WDPCP: variants seen among roughly 807,000 people sequenced by gnomAD.
The protein encoded by WDPCP is WD repeat containing planar cell polarity effector.
In WDPCP, 71 loss-of-function variants were observed where a neutral mutation model predicts 93.1. The observed-to-expected ratio is 0.76, with a 90% CI of 0.63 to 0.93. The LOEUF (loss-of-function observed/expected upper bound fraction) is 0.93. WDPCP is among the 40% of genes least tolerant of loss of function. The pLI, the probability that WDPCP is intolerant of heterozygous loss-of-function variation, is 0.00. For missense variants in WDPCP, 844 were observed against 887.4 expected (o/e 0.95, Z 0.62); for synonymous variants, 315 against 315.0 (o/e 1.00, Z 0.00).
At chr2:63,839,970 T>C in the WDPCP span, among the ~76,000 whole-genome samples, 1 of 152,216 alleles carries the variant, frequency 6.6e-6, no homozygotes, top group East Asian at 1.9e-4. Context: ...AACATTTCCA[T>C]ATAAAGACGT....
At chr2:63,294,442 G>A (rs1342574152) in intron 13 of WDPCP, among the ~76,000 whole-genome samples, 1 of 151,360 alleles carries the variant, frequency 6.6e-6, no homozygotes, top group Non-Finnish European at 1.5e-5. Context: ...CCCGGGAGGT[G>A]GAGGTTGCAG....
chr2:63,770,675 A>G (rs969292160), intron 2 of WDPCP, among the ~76,000 whole-genome samples: 3 of 151,954 alleles, frequency 2.0e-5, no homozygotes, highest in African/African-American at 7.2e-5. Flanking sequence ...AGGTCCTTTC[A>G]AGGAGTCTAC....
intron 2 of WDPCP, among the ~76,000 whole-genome samples, chr2:63,786,705 G>A (rs1372938079): frequency 3.3e-5 from 5 of 152,104 alleles, no homozygotes; most frequent in Non-Finnish European, 7.4e-5. Flanking sequence ...ACAGACATAC[G>A]TAAAGCATGA....
At chr2:63,799,081 C>A (rs185839064) in intron 2 of WDPCP, among the ~76,000 whole-genome samples, 25 of 152,270 alleles carry the variant, frequency 1.6e-4, no homozygotes, top group African/African-American at 5.5e-4. Flanking sequence ...ACCATACCTA[C>A]TAAGAATGTT....
intron 12 of WDPCP, among the ~76,000 whole-genome samples, chr2:63,316,154 AAG>A (rs1686621995): frequency 6.6e-6 from 1 of 152,280 alleles, no homozygotes; most frequent in Admixed American, 6.5e-5. Flanking sequence ...ACAGAGGAAA[AAG>A]AGATTAAAAA....
intron 8 of WDPCP, 60 bp from the exon 9 acceptor site, chr2:63,433,996 G>A: frequency 3.3e-6 from 5 of 1,530,444 alleles, no homozygotes; most frequent in Non-Finnish European, 4.5e-6. Context: ...AAATCCTCAA[G>A]TATTACAAAA....
At chr2:63,388,877 C>T (rs1692972541) in intron 10 of WDPCP, among the ~76,000 whole-genome samples, 2 of 152,156 alleles carry the variant, frequency 1.3e-5, no homozygotes, top group Non-Finnish European at 2.9e-5. Context: ...CGAATAAAGA[C>T]TCCAAGAAAT....
chr2:63,366,471 G>GT (rs781025286), intron 12 of WDPCP, among the ~76,000 whole-genome samples: 2 of 152,060 alleles, frequency 1.3e-5, no homozygotes, highest in Non-Finnish European at 2.9e-5. Flanking sequence ...TCTAATTTGT[G>GT]TATCTCTACA....
Position 63,588,186 on chromosome 2 carries a change from C to T in WDPCP, c.75+11G>A, listed in dbSNP as rs1232235431. The T allele has an allele frequency of 1.3e-6, 2 of 1,561,002 alleles. No individual in the cohort carries two copies. Among genetic ancestry groups the T allele is most frequent in the Non-Finnish European group, 1.7e-6 (2 of 1,150,790 alleles). ...TAAAAGAAAACCCCTTGCCCTCGGG[C>T]CAGGGCTCACCTGTCTCGGGAGTGG... On this transcript the variant is annotated intron_variant, in intron 1 of 17. Coordinates refer to ENST00000272321, the MANE Select transcript of WDPCP (RefSeq NM_015910.7).
chr2:63,644,243 C>CTT (rs1167296293), intron 3 of WDPCP, among the ~76,000 whole-genome samples: 6,816 of 118,412 alleles, frequency 0.058, 588 homozygotes, highest in South Asian at 0.12. Context: ...TTCTCCTCTA[C>CTT]TTTTTTTTTT....
intron 1 of WDPCP, among the ~76,000 whole-genome samples, chr2:63,530,117 T>C (rs548172832): frequency 6.6e-6 from 1 of 152,336 alleles, no homozygotes; most frequent in East Asian, 1.9e-4. Context: ...TTGCTAGCAG[T>C]CTATCAAGTT....
chr2:63,211,504 T>C (rs1266544385), intron 14 of WDPCP, among the ~76,000 whole-genome samples: 4 of 152,076 alleles, frequency 2.6e-5, no homozygotes, highest in Non-Finnish European at 5.9e-5. Flanking sequence ...ACCACAAAGA[T>C]AGGGAGAAAC....
intron 2 of WDPCP, among the ~76,000 whole-genome samples, chr2:63,700,187 TGGGA>T (rs1213873845): frequency 7.4e-6 from 1 of 136,040 alleles, no homozygotes; most frequent in African/African-American, 2.9e-5. Context: ...GAGGCTGAAG[TGGGA>T]GGATCACCTG....
intron 13 of WDPCP, among the ~76,000 whole-genome samples, chr2:63,286,236 A>G (rs947096173): frequency 3.9e-5 from 6 of 152,146 alleles, no homozygotes; most frequent in Admixed American, 2.6e-4. Context: ...CTAAGCCATC[A>G]TATCCCCTGT....
chr2:63,730,488 G>C (rs1289887774), intron 2 of WDPCP, among the ~76,000 whole-genome samples: 4 of 152,086 alleles, frequency 2.6e-5, no homozygotes, highest in African/African-American at 7.2e-5. Flanking sequence ...TTTTGAGACG[G>C]AGTCTCGCTC....
chr2:63,443,750 G>T (rs2105559496), intron 6 of WDPCP, among the ~76,000 whole-genome samples: 1 of 152,290 alleles, frequency 6.6e-6, no homozygotes, highest in East Asian at 1.9e-4. Context: ...GACTAGAATG[G>T]TAATGCTGAA....
intron 15 of WDPCP, among the ~76,000 whole-genome samples, chr2:63,161,970 A>C (rs1258598710): frequency 6.6e-6 from 1 of 152,028 alleles, no homozygotes; most frequent in Non-Finnish European, 1.5e-5. Flanking sequence ...GGGTTTCATC[A>C]TGTTGGCCAG....
At chr2:63,751,642 TC>T (rs1291419389) in intron 2 of WDPCP, 29 of 484,368 alleles carry the variant, frequency 6.0e-5, no homozygotes, top group African/African-American at 4.5e-4. Flanking sequence ...AGCTTCCATG[TC>T]CCTTCTCTGG....
chr2:63,209,968 T>C (rs1298519926), intron 14 of WDPCP, among the ~76,000 whole-genome samples: 1 of 152,194 alleles, frequency 6.6e-6, no homozygotes, highest in Non-Finnish European at 1.5e-5. Flanking sequence ...AAATATGTAC[T>C]GTGTTAAGAT....
Sources: allele counts gnomAD v4.1 joint callset (sites outside exome capture counted in the v4.1 genomes callset), GRCh38; gene constraint gnomAD v4.1.1; transcripts MANE v1.5; gene names NCBI Gene and HGNC (gene_info 2026-07-23, HGNC 2026-07-21).